CELF2: variants seen among roughly 807,000 people sequenced by gnomAD.
The protein encoded by CELF2 is CUG triplet repeat RNA-binding protein 2.
Under a neutral mutation model 62.6 loss-of-function variants are expected in CELF2, and 8 were observed. That is an observed-to-expected ratio of 0.13 (90% CI 0.07 to 0.23). The LOEUF (loss-of-function observed/expected upper bound fraction) is 0.23, where lower values mean the gene tolerates loss of function less well. CELF2 is among the 10% of genes least tolerant of loss of function. CELF2 has a pLI of 1.00. For synonymous variants in CELF2, 258 were observed against 250.0 expected (o/e 1.03, Z -0.30); for missense variants, 333 against 671.0 (o/e 0.50, Z 5.56).
Position 11,334,178 on chromosome 10 carries a change from T to C in CELF2, c.*5125T>C, listed in dbSNP as rs1273067311. ...CTCAGTCACTTTAAGTGGATAAATG[T>C]ATTAGTTAAAACTTTAGGGTTTGCT... On this transcript the variant is annotated 3_prime_UTR_variant, in exon 13 of 13. Coordinates refer to ENST00000633077, the MANE Select transcript of CELF2 (RefSeq NM_001326342.2). The C allele has an allele frequency of 2.0e-5, 3 of 152,696 alleles. No homozygotes were observed. Among genetic ancestry groups the C allele is most frequent in the Non-Finnish European group, 4.4e-5 (3 of 68,048 alleles). 9.5% of individuals were successfully genotyped at this position (152,696 alleles called of 1,614,324 possible). A position where few individuals can be genotyped will look rare whatever the true frequency, so the allele number is the denominator to read the frequency against.
Position 10,843,442 on chromosome 10 carries a change from C to CT in CELF2, c.53+44626dup, listed in dbSNP as rs918547338. Reference sequence around the variant, plus strand: ...TGCAGATAATGCTACATATTTCCCTCTAAGCACTGCTTTTGCTGCATGTCG... The same window carrying CT: ...TGCAGATAATGCTACATATTTCCCTCTTAAGCACTGCTTTTGCTGCATGTCG... On this transcript the variant is annotated intron_variant, in intron 1 of 13. Coordinates refer to the CELF2 transcript ENST00000636488. Among the ~76,000 whole-genome samples the CT allele has an allele frequency of 2.2e-4, 34 of 152,006 alleles. 1 individual carries two copies. The highest frequency in any genetic ancestry group is 2.2e-4 in the Non-Finnish European group (15 of 67,922).
At chr10:10,797,396 A>T (rs915841629), upstream of CELF2, among the ~76,000 whole-genome samples, 2 of 143,046 alleles carry the variant, frequency 1.4e-5, no homozygotes, top group African/African-American at 5.1e-5. Flanking sequence ...AACAAAGAGA[A>T]AAAAAAAAAA....
At chr10:11,326,808 AT>A (rs764799667) in intron 12 of CELF2, among the ~76,000 whole-genome samples, 2 of 152,326 alleles carry the variant, frequency 1.3e-5, no homozygotes, top group Non-Finnish European at 2.9e-5. Flanking sequence ...CACTCCTGCA[AT>A]TTAATAATTC....
upstream of CELF2, among the ~76,000 whole-genome samples, chr10:10,796,075 A>T (rs1271741269): frequency 6.6e-6 from 1 of 152,152 alleles, no homozygotes; most frequent in East Asian, 1.9e-4. Flanking sequence ...AAATGACTTT[A>T]AAAATCCCTT....
chr10:11,090,121 G>C (rs2047910842), intron 1 of CELF2, among the ~76,000 whole-genome samples: 1 of 151,004 alleles, frequency 6.6e-6, no homozygotes, highest in Non-Finnish European at 1.5e-5. Context: ...CCAAACCTCA[G>C]CATCACGCAA....
At chr10:11,230,118 GT>G (rs1313070418) in intron 3 of CELF2, among the ~76,000 whole-genome samples, 3 of 152,142 alleles carry the variant, frequency 2.0e-5, no homozygotes, top group African/African-American at 7.2e-5. Flanking sequence ...ATCTGAGAAA[GT>G]GTTAGAAGTG....
chr10:10,768,415 G>A, the CELF2 span, among the ~76,000 whole-genome samples: 12 of 152,080 alleles, frequency 7.9e-5, no homozygotes, highest in Non-Finnish European at 2.9e-5. Flanking sequence ...GCCATGCAGA[G>A]TTGGTTTCTA....
At chr10:10,552,416 T>C in the CELF2 span, among the ~76,000 whole-genome samples, 1 of 152,118 alleles carries the variant, frequency 6.6e-6, no homozygotes, top group Non-Finnish European at 1.5e-5. Context: ...AGAAAATAAA[T>C]GGGAATTTGC....
rs573255838 is a variant in CELF2 at position 10,972,983 on chromosome 10, G to A, written c.89+52984G>A. ...TTAATGGCAAAGAATGTGAAACCCT[G>A]AGGAGAATAGTTAAAGCAGAAGGCA... On this transcript the variant is annotated intron_variant, in intron 2 of 13. Transcript: ENST00000636488. The surrounding 1 kb of genome is among the most constrained non-coding windows in gnomAD (Gnocchi z 4.4). 2.0e-5 allele frequency among the ~76,000 whole-genome samples: 3 copies of A among 152,088 alleles called. No homozygotes were observed. Among genetic ancestry groups the A allele is most frequent in the Non-Finnish European group, 4.4e-5 (3 of 68,006 alleles).
rs58583778 is a variant in CELF2 at position 11,048,765 on chromosome 10, C to T, written c.74+30602C>T. On this transcript the variant is annotated intron_variant, in intron 1 of 12. Coordinates refer to ENST00000633077, the MANE Select transcript of CELF2 (RefSeq NM_001326342.2). ...ATTTTCCATCTCAGCCAATCTGGTT[C>T]TTATTCACTGACTGTAATTACAAAT... is the stretch of plus-strand genomic sequence containing the variant. Among the ~76,000 whole-genome samples the T allele has an allele frequency of 7.4e-3, 1,120 of 152,342 alleles. 9 individuals carry two copies. The highest frequency in any genetic ancestry group is 0.025 in the African/African-American group (1,019 of 41,576).
At chr10:10,922,662 GT>G (rs1312975145) in intron 2 of CELF2, 1 of 152,186 alleles carries the variant, frequency 6.6e-6, no homozygotes, top group Non-Finnish European at 1.5e-5. Flanking sequence ...TTGGTGGGTG[GT>G]ATTTCGGTAA....
At chr10:11,004,414 T>TGTGC (rs1554766714), upstream of CELF2, among the ~76,000 whole-genome samples, 177 of 139,710 alleles carry the variant, frequency 1.3e-3, no homozygotes, top group African/African-American at 5.3e-3. The surrounding 1 kb of genome is among the most constrained non-coding windows in gnomAD (Gnocchi z 5.0). Flanking sequence ...TGTGTGTGTG[T>TGTGC]GCGCGCGCGT....
chr10:10,881,944 T>C (rs574618511), intron 1 of CELF2, among the ~76,000 whole-genome samples: 28 of 152,350 alleles, frequency 1.8e-4, no homozygotes, highest in African/African-American at 5.8e-4. Flanking sequence ...AATATTTCAA[T>C]TGACACCTTT....
At chr10:10,893,364 T>C (rs1207589871) in intron 1 of CELF2, among the ~76,000 whole-genome samples, 2 of 152,150 alleles carry the variant, frequency 1.3e-5, no homozygotes, top group Non-Finnish European at 2.9e-5. Flanking sequence ...TCCTTTGCCA[T>C]CCAAGTGGTT....
rs1481834694 is a variant in CELF2, at chr10:11,324,658, G to A, written c.1295-1178G>A. Among the ~76,000 whole-genome samples the A allele has an allele frequency of 6.6e-6, 1 of 152,210 alleles. No individual in the cohort carries two copies. The highest frequency in any genetic ancestry group is 6.5e-5 in the Admixed American group (1 of 15,288). ...TCTTTGTGAAAAGTCCCAATCATTA[G>A]GATACTTTCTTGTGATGTATTTTGT... On this transcript the variant is annotated intron_variant, in intron 11 of 12. Coordinates refer to ENST00000633077, the MANE Select transcript of CELF2 (RefSeq NM_001326342.2). The surrounding 1 kb of genome is among the most constrained non-coding windows in gnomAD (Gnocchi z 4.7).
chr10:10,807,160 G>A (rs1366122306), intron 1 of CELF2, among the ~76,000 whole-genome samples: 1 of 152,190 alleles, frequency 6.6e-6, no homozygotes, highest in Non-Finnish European at 1.5e-5. Flanking sequence ...TTTCTAGCAA[G>A]CCAAGCCAGG....
chr10:11,218,677 G>A (rs1022394189), intron 3 of CELF2, among the ~76,000 whole-genome samples: 3 of 152,200 alleles, frequency 2.0e-5, no homozygotes, highest in Non-Finnish European at 4.4e-5. Flanking sequence ...TAGAAGGTTC[G>A]AAGAAGCAAG....
At chr10:10,668,724 G>A in the CELF2 span, among the ~76,000 whole-genome samples, 35,150 of 152,054 alleles carry the variant, frequency 0.23, 4,235 homozygotes, top group South Asian at 0.43. Context: ...TTGGGAGGCC[G>A]AGGTGGGGGA....
chr10:11,288,052 GC>G (rs1467430977), intron 8 of CELF2, among the ~76,000 whole-genome samples: 32 of 152,270 alleles, frequency 2.1e-4, no homozygotes, highest in African/African-American at 7.2e-4. Context: ...CCCTACTGTG[GC>G]CAGTCAGCAC....
Sources: gnomAD v4.1 joint callset for allele counts (sites outside exome capture counted in the v4.1 genomes callset) on GRCh38, gnomAD v4.1.1 for gene constraint, Gnocchi (gnomAD v3.1) non-coding constraint, MANE v1.5 for transcripts, NCBI Gene and HGNC (gene_info 2026-07-23, HGNC 2026-07-21) for gene names.